Variants in RIMS2 observed in about 807,000 individuals in gnomAD.
RIMS2 encodes the protein regulating synaptic membrane exocytosis 2.
Under a neutral mutation model 174.4 loss-of-function variants are expected in RIMS2, and 59 were observed. The ratio of observed to expected loss-of-function variants is 0.34; its 90% CI spans 0.27 to 0.42. RIMS2 has a LOEUF of 0.42. RIMS2 is among the 10% of genes least tolerant of loss of function. RIMS2 has a pLI of 1.00. For missense variants in RIMS2, 1,620 were observed against 1,666.3 expected (o/e 0.97, Z 0.48); for synonymous variants, 606 against 572.5 (o/e 1.06, Z -0.84).
intron 1 of RIMS2, among the ~76,000 whole-genome samples, chr8:103,540,884 A>G (rs1189981373): frequency 1.3e-5 from 2 of 152,142 alleles, no homozygotes; most frequent in African/African-American, 4.8e-5. Flanking sequence ...AAAATGCAAT[A>G]GGGAATGTCA....
At chr8:103,955,306 A>G (rs906945567) in intron 14 of RIMS2, among the ~76,000 whole-genome samples, 2 of 152,150 alleles carry the variant, frequency 1.3e-5, no homozygotes, top group African/African-American at 2.4e-5. Context: ...AAAAAAGACA[A>G]TTTCAGGCCA....
At position 103,652,622 on chromosome 8, in the gene RIMS2, A is replaced by G; in HGVS notation, c.177-44464A>G. ...AGTCACATTATTTGCTTATTTAAAC[A>G]GGTGGTTTCCCTTTAGTGGAATCAC... On this transcript the variant is annotated intron_variant, in intron 1 of 23. Transcript: ENST00000504942. 1 of 1,339,670 alleles carries G rather than the reference A, an allele frequency of 7.5e-7. No individual in the cohort carries two copies. The highest frequency in any genetic ancestry group is 1.1e-5 in the South Asian group (1 of 87,210). The allele number at this position is 1,339,670 out of a possible 1,614,324, so 83.0% of individuals were successfully genotyped here.
chr8:103,629,679 A>G (rs1463056047), intron 1 of RIMS2, among the ~76,000 whole-genome samples: 1 of 152,202 alleles, frequency 6.6e-6, no homozygotes, highest in Non-Finnish European at 1.5e-5. Flanking sequence ...GATGATATAG[A>G]TGATGATTAA....
chr8:103,604,341 C>G (rs1239271417), intron 1 of RIMS2, among the ~76,000 whole-genome samples: 1 of 151,934 alleles, frequency 6.6e-6, no homozygotes, highest in South Asian at 2.1e-4. Flanking sequence ...GGGCTCTGTT[C>G]TGTTCCATTG....
At chr8:103,527,216 A>G (rs1834476749) in intron 1 of RIMS2, among the ~76,000 whole-genome samples, 1 of 152,098 alleles carries the variant, frequency 6.6e-6, no homozygotes, top group Non-Finnish European at 1.5e-5. Flanking sequence ...AGCCAGAGAT[A>G]TGTCACCAGC....
At chr8:103,952,834 C>T (rs1233197486) in intron 14 of RIMS2, among the ~76,000 whole-genome samples, 2 of 152,054 alleles carry the variant, frequency 1.3e-5, no homozygotes, top group Non-Finnish European at 2.9e-5. Context: ...GGAACATGTC[C>T]TCACCCACTG....
At chr8:103,673,465 C>T (rs565069553) in intron 1 of RIMS2, among the ~76,000 whole-genome samples, 41 of 152,266 alleles carry the variant, frequency 2.7e-4, no homozygotes, top group Admixed American at 2.4e-3. Flanking sequence ...AGGAGGCTGC[C>T]GAGATTGCAC....
intron 2 of RIMS2, among the ~76,000 whole-genome samples, chr8:103,765,252 CAGA>C (rs1365840345): frequency 6.6e-6 from 1 of 151,930 alleles, no homozygotes; most frequent in Non-Finnish European, 1.5e-5. Context: ...AAGGATTTTT[CAGA>C]AAAGGGTGAA....
intron 1 of RIMS2, among the ~76,000 whole-genome samples, chr8:103,557,263 A>G (rs2131823972): frequency 6.6e-6 from 1 of 152,270 alleles, no homozygotes; most frequent in East Asian, 1.9e-4. Flanking sequence ...CCTGGCTAGG[A>G]TAGAACTACC....
chr8:104,206,528 T>A (rs1328972891), intron 19 of RIMS2, among the ~76,000 whole-genome samples: 1 of 152,216 alleles, frequency 6.6e-6, no homozygotes, highest in Non-Finnish European at 1.5e-5. Flanking sequence ...TAATAATACT[T>A]CCTGAGTTCT....
intron 19 of RIMS2, 43 bp downstream of exon 24, chr8:104,093,686 A>C (rs760992246): frequency 3.5e-5 from 52 of 1,474,816 alleles, no homozygotes; most frequent in Non-Finnish European, 4.8e-5. Context: ...TATGTTTTAG[A>C]AGGTCTTTAT....
At chr8:104,166,696 A>G (rs1477995273) in intron 19 of RIMS2, among the ~76,000 whole-genome samples, 1 of 151,838 alleles carries the variant, frequency 6.6e-6, no homozygotes, top group Non-Finnish European at 1.5e-5. Context: ...TAGAGTTATA[A>G]ATATAAGGTA....
intron 3 of RIMS2, chr8:103,768,397 T>C: frequency 1.3e-6 from 1 of 745,958 alleles, no homozygotes; most frequent in East Asian, 2.5e-5. Context: ...TTGCTGCTGA[T>C]GCTCTGGTTG....
intron 2 of RIMS2, among the ~76,000 whole-genome samples, chr8:103,747,952 G>A (rs1389044089): frequency 6.6e-6 from 1 of 152,142 alleles, no homozygotes; most frequent in Non-Finnish European, 1.5e-5. Context: ...CCTTGGGTGG[G>A]CAAAGTTGGA....
chr8:104,102,596 A>C (rs4131889), intron 19 of RIMS2, among the ~76,000 whole-genome samples: 35,866 of 152,132 alleles, frequency 0.24, 4,519 homozygotes, highest in African/African-American at 0.33. Context: ...TAATTTATAA[A>C]GAAAAAGAGG....
intron 19 of RIMS2, among the ~76,000 whole-genome samples, chr8:104,058,755 A>C (rs2096920969): frequency 6.6e-6 from 1 of 152,200 alleles, no homozygotes; most frequent in South Asian, 2.1e-4. Flanking sequence ...ATAAGGCGTA[A>C]GGAAGGGATC....
chr8:104,159,092 C>CCAGTTTCAG (rs1222021535), intron 19 of RIMS2, among the ~76,000 whole-genome samples: 4 of 152,084 alleles, frequency 2.6e-5, no homozygotes, highest in African/African-American at 4.8e-5. Flanking sequence ...AGGGAGGGAT[C>CCAGTTTCAG]CAGTTTCAGC....
At chr8:104,085,903 G>T (rs1483058788) in intron 19 of RIMS2, among the ~76,000 whole-genome samples, 1 of 152,126 alleles carries the variant, frequency 6.6e-6, no homozygotes, top group Non-Finnish European at 1.5e-5. Context: ...TACAGGAGAT[G>T]TCCTGTCAGC....
At chr8:103,552,856 T>C (rs199812353) in intron 1 of RIMS2, among the ~76,000 whole-genome samples, 3 of 152,130 alleles carry the variant, frequency 2.0e-5, no homozygotes, top group Non-Finnish European at 2.9e-5. Flanking sequence ...TGCTCATCAT[T>C]ACTGGCCATC....
Sources: gnomAD v4.1 joint callset for allele counts (sites outside exome capture counted in the v4.1 genomes callset) on GRCh38, gnomAD v4.1.1 for gene constraint, MANE v1.5 for transcripts, NCBI Gene and HGNC (gene_info 2026-07-23, HGNC 2026-07-21) for gene names.